Variants in ACAN observed in about 807,000 individuals in gnomAD.
The protein encoded by ACAN is aggrecan core protein.
A neutral mutation model predicts 169.1 loss-of-function variants in ACAN; 47 were observed. The observed-to-expected ratio is 0.28, with a 90% confidence interval of 0.22 to 0.35. The LOEUF (loss-of-function observed/expected upper bound fraction) is 0.35, where lower values mean the gene tolerates loss of function less well. Among genes scored for constraint, ACAN ranks in the 10% least tolerant of loss-of-function variants. The probability of loss-of-function intolerance (pLI) is 1.00; values close to 1 mark genes in which losing one functional copy is unlikely to be tolerated. For missense variants in ACAN, 2,716 were observed against 2,759.9 expected (o/e 0.98, Z 0.36); for synonymous variants, 1,115 against 1,112.2 (o/e 1.00, Z -0.05).
chr15:88,869,269 A>G lies in ACAN; in HGVS notation c.7060+940A>G, dbSNP rs1183613087. ...GTGTAGGGGCTTAAAATCCTTTTCA[A>G]TGAACTCTCAAGTTGGATACCCAGA... On this transcript the variant is annotated intron_variant, in intron 14 of 18. Transcript: ENST00000560601. This position sits in a 1 kb window ranked among gnomAD's most constrained non-coding sequence, Gnocchi z 4.2. 6.6e-6 allele frequency among the ~76,000 whole-genome samples: 1 copy of G among 152,140 alleles called. No homozygotes were observed. The highest frequency in any genetic ancestry group is 1.5e-5 in the Non-Finnish European group (1 of 68,028).
In ACAN at chr15:88,839,867, A is replaced by G. The variant is rs1896604274; in HGVS notation, c.455-145A>G. The G allele has an allele frequency of 2.3e-6, 2 of 869,368 alleles. No individual in the cohort carries two copies. Among genetic ancestry groups the G allele is most frequent in the South Asian group, 1.9e-5 (1 of 52,550 alleles). The allele number at this position is 869,368 out of a possible 1,614,324, so 53.9% of individuals were successfully genotyped here. ...GCAAATTCAGAAGGATCACGTGCAA[A>G]GGTGTACAGGGAGTCATGCATCAGC... On this transcript the variant is annotated intron_variant, in intron 3 of 18. Coordinates refer to ENST00000560601, the MANE Select transcript of ACAN (RefSeq NM_001369268.1). The surrounding 1 kb of genome is among the most constrained non-coding windows in gnomAD (Gnocchi z 4.5).
rs1896556426 is a variant in ACAN, at chr15:88,838,270, C to T, written c.71-393C>T. 6.6e-6 allele frequency among the ~76,000 whole-genome samples: 1 copy of T among 152,008 alleles called. No individual in the cohort carries two copies. Among genetic ancestry groups the T allele is most frequent in the Non-Finnish European group, 1.5e-5 (1 of 68,008 alleles). ...CTTTTCTACCCCAACATAATTTTTC[C>T]CAAAATCTTTGAGTTAAGCTGTCAC... On this transcript the variant is annotated intron_variant, in intron 2 of 18. Coordinates refer to ENST00000560601, the MANE Select transcript of ACAN (RefSeq NM_001369268.1). This position sits in a 1 kb window ranked among gnomAD's most constrained non-coding sequence, Gnocchi z 5.1.
Position 88,863,938 on chromosome 15 carries a change from G to A in ACAN, c.6946+3499G>A, listed in dbSNP as rs193112905. Among the ~76,000 whole-genome samples, 205 of 152,328 alleles carry A rather than the reference G, an allele frequency of 1.3e-3. 2 individuals are homozygous for A. The highest frequency in any genetic ancestry group is 6.8e-3 in the Middle Eastern group (2 of 294). Reference sequence around the variant, plus strand: ...TGTAATCCCAGAACTTTGGGAGGCCGAGGCAGGAGGATCACTTGAGCCCAG... The same window carrying A: ...TGTAATCCCAGAACTTTGGGAGGCCAAGGCAGGAGGATCACTTGAGCCCAG... On this transcript the variant is annotated intron_variant, in intron 13 of 18. Transcript: ENST00000560601.
chr15:88,855,117 T>G lies in ACAN; in HGVS notation c.2532T>G (p.Pro844=). The G allele has an allele frequency of 6.2e-7, 1 of 1,606,282 alleles. No homozygotes were observed. Among genetic ancestry groups the G allele is most frequent in the Non-Finnish European group, 8.5e-7 (1 of 1,175,920 alleles). The part of the protein sequence containing the change: ...EPSASEEPYT[P]SPPVPSWTEL... ...CAGCCTCGGAAGAGCCGTATACACC[T>G]TCACCCCCCGTGCCCAGCTGGACTG... is the stretch of plus-strand genomic sequence containing the variant. Residue 844 remains proline, a synonymous_variant, in exon 12 of 19, where the codon CCT becomes CCG. Coordinates refer to ENST00000560601, the MANE Select transcript of ACAN (RefSeq NM_001369268.1).
chr15:88,862,357 G>A (rs78810912), intron 13 of ACAN, among the ~76,000 whole-genome samples: 2,283 of 152,290 alleles, frequency 0.015, 67 homozygotes, highest in African/African-American at 0.051. Context: ...ACTCCCAGGC[G>A]ACTCCAATGT....
At chr15:88,819,184 CAG>C (rs1896014152) in intron 1 of ACAN, among the ~76,000 whole-genome samples, 1 of 152,092 alleles carries the variant, frequency 6.6e-6, no homozygotes, top group Non-Finnish European at 1.5e-5. Context: ...GGGGACATGC[CAG>C]AGACAGCTGG....
In ACAN at chr15:88,869,735, G is replaced by A. The variant is rs1015056879; in HGVS notation, c.7060+1406G>A. Reference sequence around the variant, plus strand: ...TGACAGAGCCACCCAGCTCGGCCCTGGGCCTGGGGGCCCAGCTAAGCAGGG... The same window carrying A: ...TGACAGAGCCACCCAGCTCGGCCCTAGGCCTGGGGGCCCAGCTAAGCAGGG... On this transcript the variant is annotated intron_variant, in intron 14 of 18. Coordinates refer to ENST00000560601, the MANE Select transcript of ACAN (RefSeq NM_001369268.1). This position sits in a 1 kb window ranked among gnomAD's most constrained non-coding sequence, Gnocchi z 4.2. Among the ~76,000 whole-genome samples the A allele has an allele frequency of 6.6e-6, 1 of 152,100 alleles. No individual in the cohort carries two copies. The highest frequency in any genetic ancestry group is 1.5e-5 in the Non-Finnish European group (1 of 68,002).
rs1245970740 is a variant in ACAN, at chr15:88,807,612, G to A, written c.-8+3803G>A. Among the ~76,000 whole-genome samples, 1 of 152,208 alleles carries A rather than the reference G, an allele frequency of 6.6e-6. No individual in the cohort carries two copies. The highest frequency in any genetic ancestry group is 6.5e-5 in the Admixed American group (1 of 15,282). ...CTGGAGAAGGAGCGGGAGTGCAGGC[G>A]AGAGGAGGACCAGAGAGGGGGAATT... On this transcript the variant is annotated intron_variant, in intron 1 of 18. Coordinates refer to ENST00000560601, the MANE Select transcript of ACAN (RefSeq NM_001369268.1). This position sits in a 1 kb window ranked among gnomAD's most constrained non-coding sequence, Gnocchi z 4.0.
At chr15:88,833,211 G>C (rs551914055) in intron 1 of ACAN, among the ~76,000 whole-genome samples, 1 of 152,270 alleles carries the variant, frequency 6.6e-6, no homozygotes, top group Non-Finnish European at 1.5e-5. Context: ...ACACATGCAC[G>C]CATGCTCACA....
chr15:88,857,645 G>A lies in ACAN; in HGVS notation c.5060G>A (p.Ser1687Asn). 6.2e-7 allele frequency: 1 copy of A among 1,614,038 alleles called. No individual in the cohort carries two copies. The highest frequency in any genetic ancestry group is 1.1e-5 in the South Asian group (1 of 91,088). The change falls in exon 12 of 19, where the codon AGT (serine) becomes AAT (asparagine). Residue 1687 changes from serine (S) to asparagine (N), a missense_variant. Physicochemically the swap from Ser to Asn is conservative, Grantham distance 46. Around this residue, in one of 3 missense-constraint regions of ACAN, gnomAD observed 1,389 missense variants for 1,363.7 expected, o/e 1.02. Transcript: ENST00000560601. ...GAAGGGAGGGGAACCATTGGCATCA[G>A]TGGTGCAGGAGAAATATCTGGACTG... ...ELEGRGTIGI[S>N]GAGEISGLPS...
Position 88,857,921 on chromosome 15 carries a change from C to A in ACAN, c.5336C>A (p.Pro1779His). The A allele has an allele frequency of 1.2e-6, 2 of 1,613,760 alleles. No homozygotes were observed. Among genetic ancestry groups the A allele is most frequent in the Admixed American group, 1.7e-5 (1 of 60,006 alleles). The change falls in exon 12 of 19, where the codon CCC becomes CAC. Residue 1779 changes from proline (P) to histidine (H), a missense_variant. By Grantham distance (77) the Pro-to-His change is moderately conservative. Coordinates refer to ENST00000560601, the MANE Select transcript of ACAN (RefSeq NM_001369268.1). ...ASGVLYGTSQ[P>H]FGITDLSGET... Reference sequence around the variant, plus strand: ...GGAGTTCTTTATGGCACTAGTCAACCCTTTGGCATAACTGATCTGAGTGGA... The same window carrying A: ...GGAGTTCTTTATGGCACTAGTCAACACTTTGGCATAACTGATCTGAGTGGA...
chr15:88,872,235 C>A lies in ACAN; in HGVS notation c.7302+150C>A, dbSNP rs144491341. ...TGAGGGCAGGGATTATCTCCTTCAT[C>A]TCTGCCTCTGGAACCCAGCCCGGGG... On this transcript the variant is annotated intron_variant, in intron 16 of 18. Transcript: ENST00000560601. The surrounding 1 kb of genome is among the most constrained non-coding windows in gnomAD (Gnocchi z 5.4). 4.2e-4 allele frequency: 282 copies of A among 674,058 alleles called. 2 individuals are homozygous for A. In the East Asian group the frequency reaches 7.7e-3, roughly 18 times the overall value. 41.8% of individuals were successfully genotyped at this position (674,058 alleles called of 1,614,324 possible). A position where few individuals can be genotyped will look rare whatever the true frequency, so the allele number is the denominator to read the frequency against.
intron 1 of ACAN, among the ~76,000 whole-genome samples, chr15:88,834,978 C>T (rs1162578554): frequency 2.0e-5 from 3 of 152,142 alleles, no homozygotes; most frequent in Non-Finnish European, 2.9e-5. Flanking sequence ...CTTTACACTG[C>T]GGTTGTCACA....
chr15:88,871,574 A>G lies in ACAN; in HGVS notation c.7219+34A>G. ...GGCGGGGCCTCTGGAGCCTGAGAGGAGAGTGGCGGTGTAGGCAAAGGGCCT... is the reference window on the plus strand; with the variant it reads ...GGCGGGGCCTCTGGAGCCTGAGAGGGGAGTGGCGGTGTAGGCAAAGGGCCT... On this transcript the variant is annotated intron_variant, in intron 15 of 18. Coordinates refer to ENST00000560601, the MANE Select transcript of ACAN (RefSeq NM_001369268.1). This position sits in a 1 kb window ranked among gnomAD's most constrained non-coding sequence, Gnocchi z 7.8. The G allele has an allele frequency of 6.3e-7, 1 of 1,585,804 alleles. No homozygotes were observed. The highest frequency in any genetic ancestry group is 1.1e-5 in the South Asian group (1 of 87,542).
intron 11 of ACAN, 25 bp from the exon 12 acceptor site, chr15:88,854,827 C>T: frequency 6.9e-7 from 1 of 1,440,230 alleles, no homozygotes; most frequent in Non-Finnish European, 9.1e-7. Context: ...ACCCACACTT[C>T]ATCTTTCTTC....
chr15:88,836,340 G>C, intron 2 of ACAN, 64 bp downstream of exon 2: 1 of 1,388,500 alleles, frequency 7.2e-7, no homozygotes, highest in Non-Finnish European at 1.0e-6. Context: ...TTGAGTACTG[G>C]GTACTGAACC....
At chr15:88,841,689 G>A (rs1459919147) in intron 4 of ACAN, 51 bp from the exon 5 acceptor site, 14 of 1,609,748 alleles carry the variant, frequency 8.7e-6, no homozygotes, top group African/African-American at 1.3e-5. Flanking sequence ...AGAGGCCATG[G>A]GCTTCCCTTT....
At chr15:88,829,681 G>T (rs1567170804) in intron 1 of ACAN, among the ~76,000 whole-genome samples, 1 of 152,148 alleles carries the variant, frequency 6.6e-6, no homozygotes, top group Non-Finnish European at 1.5e-5. Context: ...GGGGCACCTT[G>T]GTCCTTTCGA....
intron 6 of ACAN, among the ~76,000 whole-genome samples, chr15:88,844,976 G>A (rs564699307): frequency 6.6e-6 from 1 of 152,160 alleles, no homozygotes; most frequent in Non-Finnish European, 1.5e-5. Context: ...TTAACCTTTT[G>A]GTATTCTAAC....
Sources: gnomAD v4.1 joint callset for allele counts (sites outside exome capture counted in the v4.1 genomes callset) on GRCh38, gnomAD v4.1.1 for gene constraint, gnomAD v4.1.1 regional missense constraint, Gnocchi (gnomAD v3.1) non-coding constraint, MANE v1.5 for transcripts, NCBI Gene and HGNC (gene_info 2026-07-23, HGNC 2026-07-21) for gene names.